TFF2: variants seen among roughly 807,000 people sequenced by gnomAD.
TFF2 encodes the protein trefoil factor 2.
A neutral mutation model predicts 16.0 loss-of-function variants in TFF2; 19 were observed. The ratio of observed to expected loss-of-function variants is 1.19; its 90% CI spans 0.83 to 1.74. The LOEUF (loss-of-function observed/expected upper bound fraction) is 1.74. TFF2 is among the 40% of genes most tolerant of loss of function. TFF2 has a pLI of 0.00. For synonymous variants in TFF2, 61 were observed against 65.4 expected, an observed-to-expected ratio of 0.93 and a Z score of 0.32; for missense variants, 168 against 166.8, an observed-to-expected ratio of 1.01 and a Z score of -0.04.
chr21:42,347,581 G>T lies in TFF2; in HGVS notation c.281C>A (p.Pro94Gln), dbSNP rs756553873. The change falls in exon 3 of 4, where the codon CCG (proline) becomes CAG (glutamine). Residue 94 changes from proline to glutamine, a missense_variant. Physicochemically the swap from Pro to Gln is moderately conservative, Grantham distance 76 (BLOSUM62 -1). Coordinates refer to ENST00000291526, the MANE Select transcript of TFF2 (RefSeq NM_005423.5). ...GGCGCATTCCTCGGGGCTGATGCCC[G>T]GGTAGCCACAGTTTCTTCGGTCTGA... Reference protein sequence around the residue: ...EVSDRRNCGYPGISPEECASR... With the variant: ...EVSDRRNCGYQGISPEECASR... 5 of 1,614,168 alleles carry T rather than the reference G, an allele frequency of 3.1e-6. No individual in the cohort carries two copies. Among genetic ancestry groups the T allele is most frequent in the Non-Finnish European group, 4.2e-6 (5 of 1,180,018 alleles).
rs2052068360 is a variant in TFF2 at position 42,346,450 on chromosome 21, A to T, written c.*83T>A. 3.3e-6 allele frequency: 5 copies of T among 1,521,098 alleles called. No individual in the cohort carries two copies. Among genetic ancestry groups the T allele is most frequent in the Middle Eastern group, 1.7e-4 (1 of 5,912 alleles). The allele number at this position is 1,521,098 out of a possible 1,614,324, so 94.2% of individuals were successfully genotyped here. On this transcript the variant is annotated 3_prime_UTR_variant, in exon 4 of 4. Transcript: ENST00000291526. ...GTTAAGAAAACCCAGGATTTCATGAAGTATGAAGCTGATAAGGCGAAGTTT... is the reference window on the plus strand; with the variant it reads ...GTTAAGAAAACCCAGGATTTCATGATGTATGAAGCTGATAAGGCGAAGTTT...
intron 2 of TFF2, among the ~76,000 whole-genome samples, 193 bp from the exon 3 acceptor site, chr21:42,347,825 C>T (rs757479059): frequency 6.6e-6 from 1 of 152,186 alleles, no homozygotes; most frequent in South Asian, 2.1e-4. Flanking sequence ...CCGCCTCCCC[C>T]GGGGACTGTG....
rs1568858515 is a variant in TFF2, at chr21:42,346,556, T to TGC, written c.377-11_377-10insGC. The TGC allele has an allele frequency of 1.3e-6, 2 of 1,595,668 alleles. No individual in the cohort carries two copies. The highest frequency in any genetic ancestry group is 3.6e-5 in the Admixed American group (2 of 54,964). On this transcript the variant is annotated splice_polypyrimidine_tract_variant and intron_variant, in intron 3 of 3. Transcript: ENST00000291526. Reference sequence around the variant, plus strand: ...TCTTAGTAATGGCAGTCTAGAAGTTTAAATGCAAGATGGTTGGTAAGGGAA... The same window carrying TGC: ...TCTTAGTAATGGCAGTCTAGAAGTTTGCAAATGCAAGATGGTTGGTAAGGGAA...
At chr21:42,347,653 C>G in intron 2 of TFF2, 21 bp from the exon 3 acceptor site, 1 of 1,611,880 alleles carries the variant, frequency 6.2e-7, no homozygotes, top group Non-Finnish European at 8.5e-7. Flanking sequence ...ACAGGCACAG[C>G]ACCGAGACCC....
chr21:42,347,957 G>T (rs1459580523), intron 2 of TFF2, among the ~76,000 whole-genome samples: 1 of 152,222 alleles, frequency 6.6e-6, no homozygotes, highest in Non-Finnish European at 1.5e-5. Flanking sequence ...TGCCTCTCGG[G>T]ACTCAGTGTT....
At position 42,350,025 on chromosome 21, in the gene TFF2, A is replaced by G; in HGVS notation, c.85T>C (p.Cys29Arg). ...ALAGSEKPSP[C>R]QCSRLSPHNR... ...TGGGGGCTCAGCCTGGAGCACTGGC[A>G]GGGGGCTGTGGAAAGACCCTCAGTC... Residue 29 changes from cysteine to arginine, a missense_variant, in exon 2 of 4, where the codon TGC (cysteine) becomes CGC (arginine). Physicochemically the swap from Cys to Arg is radical, Grantham distance 180. Coordinates refer to ENST00000291526, the MANE Select transcript of TFF2 (RefSeq NM_005423.5). 1.3e-6 allele frequency: 2 copies of G among 1,597,798 alleles called. No individual in the cohort carries two copies. The highest frequency in any genetic ancestry group is 1.7e-6 in the Non-Finnish European group (2 of 1,172,130).
At chr21:42,350,811 G>T (rs533320222) in intron 1 of TFF2, 68 bp downstream of exon 1, 13 of 1,460,370 alleles carry the variant, frequency 8.9e-6, no homozygotes, top group Non-Finnish European at 1.2e-5. Flanking sequence ...TTAATTTATG[G>T]TTGTGCTTTT....
chr21:42,348,116 C>G (rs1405848336), intron 2 of TFF2, among the ~76,000 whole-genome samples: 1 of 152,198 alleles, frequency 6.6e-6, no homozygotes, highest in African/African-American at 2.4e-5. Flanking sequence ...TGCCTGGTTT[C>G]CCTGCGGGGC....
chr21:42,348,268 G>C (rs773901212), intron 2 of TFF2, among the ~76,000 whole-genome samples: 1 of 152,114 alleles, frequency 6.6e-6, no homozygotes, highest in Non-Finnish European at 1.5e-5. Context: ...TCCTGATCCC[G>C]TGCACTAACA....
intron 2 of TFF2, among the ~76,000 whole-genome samples, chr21:42,348,703 C>A (rs2052089035): frequency 6.6e-6 from 1 of 151,928 alleles, no homozygotes; most frequent in South Asian, 2.1e-4. Context: ...CCAGACTAAC[C>A]AACCTGGGCT....
chr21:42,350,383 A>AT (rs370778714), intron 1 of TFF2: 1 of 198,486 alleles, frequency 5.0e-6, no homozygotes, highest in East Asian at 1.4e-4. Flanking sequence ...AAAAAAAAAA[A>AT]TTGGCCGGGC....
intron 3 of TFF2, among the ~76,000 whole-genome samples, 181 bp downstream of exon 3, chr21:42,347,305 A>T (rs225336): frequency 0.42 from 63,416 of 152,118 alleles, 14,134 homozygotes; most frequent in African/African-American, 0.54. Context: ...ACTTATTGAA[A>T]AGACGCTGTC....
At chr21:42,347,376 C>A in intron 3 of TFF2, 110 bp downstream of exon 3, 10 of 1,467,320 alleles carry the variant, frequency 6.8e-6, no homozygotes, top group Non-Finnish European at 9.4e-6. Context: ...GCCCTGGCCT[C>A]GATGGCACTG....
In TFF2 at chr21:42,347,398, C is replaced by T. The variant is rs554464449; in HGVS notation, c.376+88G>A. 75 of 1,567,332 alleles carry T rather than the reference C, an allele frequency of 4.8e-5. 1 individual carries two copies. In the East Asian group the frequency reaches 1.5e-3, roughly 32 times the overall value. On this transcript the variant is annotated intron_variant, in intron 3 of 3. Transcript: ENST00000291526. ...CCTCGATGGCACTGAGGCTGCGAGG[C>T]AGCTCCCCTCCCTGCACCCCACCTC...
At chr21:42,348,399 C>T (rs902017706) in intron 2 of TFF2, among the ~76,000 whole-genome samples, 1 of 152,168 alleles carries the variant, frequency 6.6e-6, no homozygotes, top group East Asian at 1.9e-4. Context: ...GAAGCTTCTT[C>T]AGAAGTCACA....
At position 42,349,567 on chromosome 21, in the gene TFF2, C is replaced by T. The variant is rs909094901; in HGVS notation, c.229+314G>A. Among the ~76,000 whole-genome samples the T allele has an allele frequency of 7.6e-5, 8 of 105,554 alleles. 1 individual carries two copies. The highest frequency in any genetic ancestry group is 4.2e-4 in the Admixed American group (4 of 9,450). 69.2% of individuals were successfully genotyped at this position (105,554 alleles called of 152,430 possible). On this transcript the variant is annotated intron_variant, in intron 2 of 3. Transcript: ENST00000291526. ...TACTAGCCCCAGACTAACCAACCTG[C>T]GCTAGCTCCAAACTAACCAACCTGG...
chr21:42,347,570 G>C lies in TFF2; in HGVS notation c.292C>G (p.Pro98Ala). The change falls in exon 3 of 4, where the codon CCC becomes GCC. Residue 98 changes from proline (P) to alanine (A), a missense_variant. Coordinates refer to ENST00000291526, the MANE Select transcript of TFF2 (RefSeq NM_005423.5). ...RRNCGYPGIS[P>A]EECASRKCCF... Reference sequence around the variant, plus strand: ...CACTTCCGAGAGGCGCATTCCTCGGGGCTGATGCCCGGGTAGCCACAGTTT... The same window carrying C: ...CACTTCCGAGAGGCGCATTCCTCGGCGCTGATGCCCGGGTAGCCACAGTTT... The C allele has an allele frequency of 6.2e-7, 1 of 1,614,208 alleles. No individual in the cohort carries two copies. Among genetic ancestry groups the C allele is most frequent in the South Asian group, 1.1e-5 (1 of 91,086 alleles).
intron 3 of TFF2, 151 bp from the exon 4 acceptor site, chr21:42,346,697 A>G (rs2052071328): frequency 1.2e-6 from 1 of 825,998 alleles, no homozygotes; most frequent in South Asian, 1.9e-5. Flanking sequence ...AAAGGGACCA[A>G]ATCTTCCCAC....
intron 1 of TFF2, chr21:42,350,231 G>GA (rs5844112): frequency 0.071 from 66,926 of 939,786 alleles, 92 homozygotes; most frequent in Non-Finnish European, 0.077. Context: ...AGTTTAAAAG[G>GA]AAAAAAAAAA....
Sources: allele counts gnomAD v4.1 joint callset (sites outside exome capture counted in the v4.1 genomes callset), GRCh38; gene constraint gnomAD v4.1.1; transcripts MANE v1.5; gene names NCBI Gene and HGNC (gene_info 2026-07-23, HGNC 2026-07-21).